NXPE2: variants seen among roughly 807,000 people sequenced by gnomAD.
The protein encoded by NXPE2 is NXPE family member 2.
Under a neutral mutation model 34.4 loss-of-function variants are expected in NXPE2, and 34 were observed. The observed-to-expected ratio is 0.99, with a 90% CI of 0.75 to 1.31. The LOEUF is 1.31. Among genes scored for constraint, NXPE2 ranks in the 40% most tolerant of loss-of-function variants. The pLI is 0.00. For missense variants in NXPE2, 649 were observed against 672.5 expected (o/e 0.97, Z 0.39); for synonymous variants, 235 against 231.3 (o/e 1.02, Z -0.15).
chr11:114,790,106 C>T, the NXPE2 span, among the ~76,000 whole-genome samples: 2 of 152,132 alleles, frequency 1.3e-5, no homozygotes, highest in African/African-American at 4.8e-5. Flanking sequence ...GATATCTTGC[C>T]CCTCGCTGTC....
At chr11:114,586,427 T>C in the NXPE2 span, among the ~76,000 whole-genome samples, 1 of 152,164 alleles carries the variant, frequency 6.6e-6, no homozygotes, top group Admixed American at 6.6e-5. Flanking sequence ...TTCAAGGCCT[T>C]CTGCTCTCCA....
chr11:114,549,254 T>A, the NXPE2 span, among the ~76,000 whole-genome samples: 2 of 151,904 alleles, frequency 1.3e-5, no homozygotes, highest in Non-Finnish European at 2.9e-5. Flanking sequence ...AACAAAAAGC[T>A]TCCAAATCAA....
At chr11:114,629,334 G>A in the NXPE2 span, among the ~76,000 whole-genome samples, 1 of 152,006 alleles carries the variant, frequency 6.6e-6, no homozygotes, top group Non-Finnish European at 1.5e-5. Flanking sequence ...GATCAAGTGG[G>A]CTTCATCCCT....
the NXPE2 span, chr11:114,571,366 T>G: frequency 1.1e-5 from 18 of 1,613,894 alleles, no homozygotes; most frequent in Non-Finnish European, 1.5e-5. Flanking sequence ...ATTGATCCTA[T>G]CAAGGGATAA....
the NXPE2 span, among the ~76,000 whole-genome samples, chr11:114,610,279 G>A: frequency 4.0e-5 from 6 of 151,792 alleles, no homozygotes; most frequent in East Asian, 3.9e-4. Flanking sequence ...TTGCCTACCC[G>A]GTGGATAATA....
the NXPE2 span, among the ~76,000 whole-genome samples, chr11:114,789,763 T>A: frequency 2.0e-5 from 3 of 152,204 alleles, no homozygotes; most frequent in Non-Finnish European, 2.9e-5. Flanking sequence ...CTTTTTCCCA[T>A]GACACACTCG....
At chr11:114,749,911 G>A in the NXPE2 span, among the ~76,000 whole-genome samples, 1 of 152,054 alleles carries the variant, frequency 6.6e-6, no homozygotes, top group Non-Finnish European at 1.5e-5. Context: ...TCTTCCACAT[G>A]AATGTCCTCT....
the NXPE2 span, among the ~76,000 whole-genome samples, chr11:114,808,173 C>A: frequency 6.6e-6 from 1 of 152,172 alleles, no homozygotes; most frequent in African/African-American, 2.4e-5. Flanking sequence ...ATACCAGAAT[C>A]TCTGGGACAC....
the NXPE2 span, among the ~76,000 whole-genome samples, chr11:114,549,441 G>T: frequency 2.1e-4 from 32 of 152,056 alleles, no homozygotes; most frequent in Admixed American, 3.9e-4. Flanking sequence ...TACACATTTT[G>T]TTCCGTTTTT....
the NXPE2 span, among the ~76,000 whole-genome samples, chr11:114,782,866 A>T: frequency 2.2e-4 from 34 of 152,344 alleles, no homozygotes; most frequent in Middle Eastern, 0.014. Context: ...CAGGCGTTCC[A>T]GCCAACCCAG....
At chr11:114,776,381 A>G in the NXPE2 span, among the ~76,000 whole-genome samples, 1 of 152,238 alleles carries the variant, frequency 6.6e-6, no homozygotes, top group Non-Finnish European at 1.5e-5. Context: ...TGAGGCTCCC[A>G]TCTGCGGCTG....
At chr11:114,573,928 G>A in the NXPE2 span, among the ~76,000 whole-genome samples, 1 of 152,108 alleles carries the variant, frequency 6.6e-6, no homozygotes, top group East Asian at 1.9e-4. Context: ...ATCAGCACAT[G>A]GAACATTCTC....
the NXPE2 span, chr11:114,512,959 C>T: frequency 6.5e-5 from 21 of 322,066 alleles, no homozygotes; most frequent in South Asian, 2.9e-4. Flanking sequence ...GATCCTGTCA[C>T]AGTGTTGGTG....
the NXPE2 span, among the ~76,000 whole-genome samples, chr11:114,615,296 T>C: frequency 1.3e-5 from 2 of 151,984 alleles, no homozygotes; most frequent in African/African-American, 4.8e-5. Context: ...ACCTGGTGGA[T>C]GATAAATATT....
the NXPE2 span, among the ~76,000 whole-genome samples, chr11:114,494,253 G>A: frequency 6.6e-6 from 1 of 152,074 alleles, no homozygotes; most frequent in African/African-American, 2.4e-5. Context: ...CTAGGTTTGG[G>A]AAGTTCTTTG....
chr11:114,648,627 A>C, the NXPE2 span, among the ~76,000 whole-genome samples: 115,232 of 152,082 alleles, frequency 0.76, 45,413 homozygotes, highest in East Asian at 0.88. Flanking sequence ...TCGTGTCTAC[A>C]CTTGTCAAGT....
At chr11:114,706,286 A>T in intron 5 of NXPE2, 109 bp from the exon 6 acceptor site, 1 of 896,822 alleles carries the variant, frequency 1.1e-6, no homozygotes, top group Non-Finnish European at 1.6e-6. Flanking sequence ...CATAGGCAAT[A>T]GTGCTTAGTT....
the NXPE2 span, among the ~76,000 whole-genome samples, chr11:114,638,100 C>T: frequency 2.6e-5 from 4 of 151,552 alleles, no homozygotes; most frequent in African/African-American, 9.7e-5. Context: ...TTCAGGTACA[C>T]CAATGAGATG....
chr11:114,471,141 G>GT, the NXPE2 span, among the ~76,000 whole-genome samples: 1 of 152,100 alleles, frequency 6.6e-6, no homozygotes, highest in African/African-American at 2.4e-5. Flanking sequence ...TTTTCATGAA[G>GT]TCCAATTTAT....
Sources: allele counts gnomAD v4.1 joint callset (sites outside exome capture counted in the v4.1 genomes callset), GRCh38; gene constraint gnomAD v4.1.1; transcripts MANE v1.5; gene names NCBI Gene and HGNC (gene_info 2026-07-23, HGNC 2026-07-21).